The following SLC10A7 variants were observed in gnomAD, a reference collection of about 807,000 sequenced individuals.
SLC10A7 encodes the protein solute carrier family 10 member 7.
In SLC10A7, 29 loss-of-function variants were observed where a neutral mutation model predicts 43.2. The ratio of observed to expected loss-of-function variants is 0.67; its 90% CI spans 0.50 to 0.92. SLC10A7 has a LOEUF of 0.92. Ranked by LOEUF, SLC10A7 falls within the 40% of genes least tolerant of loss-of-function variation. The pLI, the probability that SLC10A7 is intolerant of heterozygous loss-of-function variation, is 0.00. For missense variants in SLC10A7, 295 were observed against 403.2 expected (o/e 0.73, Z 2.30); for synonymous variants, 152 against 144.8 (o/e 1.05, Z -0.35).
chr4:146,359,612 C>T (rs950470318), intron 5 of SLC10A7, among the ~76,000 whole-genome samples: 1 of 151,950 alleles, frequency 6.6e-6, no homozygotes. Context: ...TGCTCATACC[C>T]AACAGCATCT....
chr4:146,483,540 G>T (rs959747321), intron 4 of SLC10A7, among the ~76,000 whole-genome samples: 1 of 151,762 alleles, frequency 6.6e-6, no homozygotes, highest in African/African-American at 2.4e-5. Flanking sequence ...CACAAAGGAA[G>T]ACAAGAGAGG....
intron 1 of SLC10A7, 32 bp downstream of exon 1, chr4:146,521,586 C>T: frequency 6.4e-7 from 1 of 1,573,688 alleles, no homozygotes; most frequent in Admixed American, 1.7e-5. Context: ...AAGTGGGAGC[C>T]GCGGTGGAGC....
intron 5 of SLC10A7, among the ~76,000 whole-genome samples, chr4:146,355,127 G>C (rs1236525116): frequency 6.8e-6 from 1 of 146,726 alleles, no homozygotes; most frequent in East Asian, 2.0e-4. Flanking sequence ...GAAAATTTTC[G>C]CAACCTACTC....
In SLC10A7 at chr4:146,403,483, G is replaced by A. The variant is rs187740966; in HGVS notation, c.435+39300C>T. ...GAGTTTTTCTAGTAGTGCTTTCCGT[G>A]AGAGGACACCTTTCAGGTTCCCAGG... On this transcript the variant is annotated intron_variant, in intron 5 of 11. Transcript: ENST00000335472. Among the ~76,000 whole-genome samples the A allele has an allele frequency of 7.5e-4, 114 of 152,228 alleles. 1 individual carries two copies. The South Asian group carries it at 0.013, about 17-fold the overall frequency.
intron 4 of SLC10A7, among the ~76,000 whole-genome samples, chr4:146,481,798 T>C (rs1391303687): frequency 2.6e-5 from 4 of 152,180 alleles, no homozygotes; most frequent in Admixed American, 2.6e-4. Flanking sequence ...CCCAAGAACC[T>C]GGATCCATAG....
chr4:146,394,784 G>T (rs1231271956), intron 5 of SLC10A7, among the ~76,000 whole-genome samples: 1 of 152,118 alleles, frequency 6.6e-6, no homozygotes, highest in Non-Finnish European at 1.5e-5. Context: ...CATTGGAAAA[G>T]ATTCAAGTAT....
At chr4:146,287,774 C>G (rs1306682780) in intron 9 of SLC10A7, among the ~76,000 whole-genome samples, 1 of 152,120 alleles carries the variant, frequency 6.6e-6, no homozygotes, top group Non-Finnish European at 1.5e-5. Flanking sequence ...TTTTGTGGCC[C>G]TTGTTTATAT....
intron 4 of SLC10A7, among the ~76,000 whole-genome samples, chr4:146,501,397 G>C (rs1736401954): frequency 6.6e-6 from 1 of 151,968 alleles, no homozygotes; most frequent in Admixed American, 6.5e-5. Context: ...TCTCCTTCAG[G>C]GCACATAAAT....
At chr4:146,437,633 T>G (rs1186347378) in intron 5 of SLC10A7, among the ~76,000 whole-genome samples, 1 of 152,038 alleles carries the variant, frequency 6.6e-6, no homozygotes, top group Non-Finnish European at 1.5e-5. Context: ...CAGCATAGTC[T>G]TCAATACTGT....
intron 3 of SLC10A7, among the ~76,000 whole-genome samples, chr4:146,504,588 G>A (rs1317693491): frequency 6.6e-6 from 1 of 151,528 alleles, no homozygotes; most frequent in South Asian, 2.1e-4. Flanking sequence ...ATAGTCTTAG[G>A]TTATTTTTAG....
At chr4:146,497,750 TCCC>T (rs1736022531) in intron 4 of SLC10A7, among the ~76,000 whole-genome samples, 1 of 152,150 alleles carries the variant, frequency 6.6e-6, no homozygotes, top group Admixed American at 6.5e-5. Context: ...ACCACATAAC[TCCC>T]TCTCCAAACA....
intron 5 of SLC10A7, among the ~76,000 whole-genome samples, chr4:146,383,589 T>C (rs552008654): frequency 2.0e-4 from 30 of 152,326 alleles, no homozygotes; most frequent in African/African-American, 6.5e-4. Context: ...GTTTTCAATA[T>C]ATCTCTGCTT....
intron 5 of SLC10A7, among the ~76,000 whole-genome samples, chr4:146,383,181 A>G (rs565670616): frequency 6.6e-6 from 1 of 152,282 alleles, no homozygotes; most frequent in Non-Finnish European, 1.5e-5. Context: ...GCTCTGAAGT[A>G]ATAATAGTAA....
intron 5 of SLC10A7, among the ~76,000 whole-genome samples, chr4:146,350,173 G>A (rs4460007): frequency 0.12 from 17,019 of 139,624 alleles, 1,086 homozygotes; most frequent in Non-Finnish European, 0.14. Flanking sequence ...CAGTGGGTGC[G>A]CGCACCGTGC....
intron 5 of SLC10A7, among the ~76,000 whole-genome samples, chr4:146,409,726 G>A (rs1579113643): frequency 6.6e-6 from 1 of 152,144 alleles, no homozygotes; most frequent in South Asian, 2.1e-4. Flanking sequence ...AATCAAGAAC[G>A]TGAGAAATAG....
intron 5 of SLC10A7, among the ~76,000 whole-genome samples, chr4:146,354,444 G>A (rs1483688574): frequency 7.2e-5 from 11 of 151,952 alleles, no homozygotes; most frequent in South Asian, 2.1e-4. Context: ...AATCAATATC[G>A]TGAAAATGGC....
intron 5 of SLC10A7, among the ~76,000 whole-genome samples, chr4:146,379,720 T>C (rs1258634366): frequency 6.6e-6 from 1 of 152,218 alleles, no homozygotes; most frequent in Admixed American, 6.5e-5. Flanking sequence ...TTCCTCCTTA[T>C]ATTTTTATCC....
At chr4:146,289,847 C>T (rs1230618559) in intron 9 of SLC10A7, among the ~76,000 whole-genome samples, 1 of 149,358 alleles carries the variant, frequency 6.7e-6, no homozygotes, top group Non-Finnish European at 1.5e-5. Flanking sequence ...TCTGGAGTAG[C>T]TGGGATTACA....
intron 4 of SLC10A7, among the ~76,000 whole-genome samples, chr4:146,445,891 C>CTCTCTTCTG (rs1553974144): frequency 1.3e-5 from 2 of 148,586 alleles, no homozygotes; most frequent in African/African-American, 2.5e-5. Flanking sequence ...CTTCTCTCTT[C>CTCTCTTCTG]TGTGTGTGTG....
Sources: allele counts gnomAD v4.1 joint callset (sites outside exome capture counted in the v4.1 genomes callset), GRCh38; gene constraint gnomAD v4.1.1; transcripts MANE v1.5; gene names NCBI Gene and HGNC (gene_info 2026-07-23, HGNC 2026-07-21).